Variants in KCNJ6 observed in about 807,000 individuals in gnomAD.
The protein encoded by KCNJ6 is G protein-activated inward rectifier potassium channel 2.
A neutral mutation model predicts 34.2 loss-of-function variants in KCNJ6; 9 were observed. The ratio of observed to expected loss-of-function variants is 0.26; its 90% CI spans 0.16 to 0.46. The LOEUF (loss-of-function observed/expected upper bound fraction) is 0.46, where lower values mean the gene tolerates loss of function less well. Among genes scored for constraint, KCNJ6 ranks in the 20% least tolerant of loss-of-function variants. The pLI is 1.00. For synonymous variants in KCNJ6, 196 were observed against 207.1 expected (o/e 0.95, Z 0.46); for missense variants, 236 against 531.3 (o/e 0.44, Z 5.46).
rs1267049362 is a variant in KCNJ6, at chr21:37,789,560, C to T, written c.25+51098G>A. On this transcript the variant is annotated intron_variant, in intron 2 of 3. Coordinates refer to ENST00000609713, the MANE Select transcript of KCNJ6 (RefSeq NM_002240.5). ...AATGACCCAGGCTATGGTATTTTGT[C>T]ATGGAAACCTGAGCAGACTAATACA... Among the ~76,000 whole-genome samples the T allele has an allele frequency of 2.0e-5, 3 of 152,150 alleles. No individual in the cohort carries two copies. In the East Asian group the frequency reaches 5.8e-4, roughly 29 times the overall value.
chr21:37,685,116 G>A (rs1206610668), intron 3 of KCNJ6, among the ~76,000 whole-genome samples: 2 of 152,054 alleles, frequency 1.3e-5, no homozygotes, highest in African/African-American at 4.8e-5. Flanking sequence ...TTAGGAAATG[G>A]GCAAAGAGAA....
chr21:37,715,078 T>C lies in KCNJ6; in HGVS notation c.79A>G (p.Ile27Val), dbSNP rs1255328783. 11 of 1,614,092 alleles carry C rather than the reference T, an allele frequency of 6.8e-6. No individual in the cohort carries two copies. The highest frequency in any genetic ancestry group is 8.5e-6 in the Non-Finnish European group (10 of 1,180,048). ...MDQDVESPVA[I>V]HQPKLPKQAR... is the part of the protein sequence containing the mutation. ...TGCTTAGGCAACTTTGGCTGGTGAA[T>C]GGCCACTGGGCTTTCGACGTCCTGA... Residue 27 changes from isoleucine (I) to valine (V), a missense_variant, in exon 3 of 4, where the codon ATT becomes GTT. This residue lies in a region of KCNJ6 where 64 missense variants were observed against 68.9 expected (regional missense o/e 0.93). Coordinates refer to ENST00000609713, the MANE Select transcript of KCNJ6 (RefSeq NM_002240.5).
At chr21:37,830,277 G>T (rs1056066917) in intron 2 of KCNJ6, among the ~76,000 whole-genome samples, 2 of 152,180 alleles carry the variant, frequency 1.3e-5, no homozygotes, top group Non-Finnish European at 2.9e-5. Context: ...GAAGGTGGGA[G>T]GCCGTAGCCT....
chr21:37,915,897 G>A lies in KCNJ6; in HGVS notation c.-41C>T, dbSNP rs2055891202. On this transcript the variant is annotated 5_prime_UTR_variant, in exon 1 of 4. Coordinates refer to ENST00000609713, the MANE Select transcript of KCNJ6 (RefSeq NM_002240.5). ...CGCACCGCTTACCTGGCTGCGGACG[G>A]GGTGGCTTCACTCAATCATGATCTC... The A allele has an allele frequency of 6.6e-6, 1 of 152,314 alleles. No homozygotes were observed. Among genetic ancestry groups the A allele is most frequent in the South Asian group, 2.1e-4 (1 of 4,834 alleles). The allele number at this position is 152,314 out of a possible 1,614,324, so 9.4% of individuals were successfully genotyped here.
chr21:37,873,211 C>T (rs725572), intron 1 of KCNJ6, among the ~76,000 whole-genome samples: 120,572 of 152,174 alleles, frequency 0.79, 48,395 homozygotes, highest in East Asian at 0.91. Flanking sequence ...GCATGCGCTG[C>T]AGTCGTTTCT....
chr21:37,727,955 G>T (rs751679703), intron 2 of KCNJ6, among the ~76,000 whole-genome samples: 5 of 152,298 alleles, frequency 3.3e-5, no homozygotes, highest in Non-Finnish European at 7.3e-5. Context: ...AAAGCCTTCT[G>T]CATCTTGACT....
chr21:37,873,413 A>T (rs967898179), intron 1 of KCNJ6, among the ~76,000 whole-genome samples: 3 of 152,176 alleles, frequency 2.0e-5, no homozygotes, highest in African/African-American at 7.2e-5. Flanking sequence ...CAAAGATCTC[A>T]TCACTGGTGG....
chr21:37,816,254 A>C (rs983546463), intron 2 of KCNJ6, among the ~76,000 whole-genome samples: 2 of 152,162 alleles, frequency 1.3e-5, no homozygotes, highest in Non-Finnish European at 2.9e-5. Flanking sequence ...AGCATAGGTA[A>C]GGGTTCTGTG....
At chr21:37,706,967 C>T (rs2054723092) in intron 3 of KCNJ6, among the ~76,000 whole-genome samples, 1 of 152,168 alleles carries the variant, frequency 6.6e-6, no homozygotes, top group South Asian at 2.1e-4. Flanking sequence ...CTCAGAAGAC[C>T]TGGGAGTAAT....
At chr21:37,761,177 G>A (rs573971714) in intron 2 of KCNJ6, among the ~76,000 whole-genome samples, 1 of 151,176 alleles carries the variant, frequency 6.6e-6, no homozygotes, top group East Asian at 1.9e-4. Flanking sequence ...TGTGTTGTGT[G>A]TGCATGTGTG....
At chr21:37,649,461 C>A (rs946081148) in intron 3 of KCNJ6, among the ~76,000 whole-genome samples, 3 of 152,022 alleles carry the variant, frequency 2.0e-5, no homozygotes, top group African/African-American at 7.2e-5. Context: ...TTTTTTAAGT[C>A]GAAAAAGCTC....
intron 1 of KCNJ6, among the ~76,000 whole-genome samples, chr21:37,890,539 T>C (rs1264050860): frequency 6.6e-6 from 1 of 152,204 alleles, no homozygotes; most frequent in Non-Finnish European, 1.5e-5. Context: ...CCTGTTGCCC[T>C]GGAAGACACT....
intron 3 of KCNJ6, among the ~76,000 whole-genome samples, chr21:37,677,041 C>A (rs547592924): frequency 2.0e-5 from 3 of 152,362 alleles, no homozygotes; most frequent in Non-Finnish European, 2.9e-5. Context: ...TGACGTTGCA[C>A]TCAGGAGTCT....
At position 37,872,684 on chromosome 21, in the gene KCNJ6, C is replaced by T. The variant is rs12626801; in HGVS notation, c.-27-31975G>A. On this transcript the variant is annotated intron_variant, in intron 1 of 3. Coordinates refer to ENST00000609713, the MANE Select transcript of KCNJ6 (RefSeq NM_002240.5). ...TTCTGTGAGTTTAGTTCATGTGAAT[C>T]TGCGCCTCCAAGATCAATACTCTCT... 7.0e-4 allele frequency among the ~76,000 whole-genome samples: 106 copies of T among 152,286 alleles called. 1 individual carries two copies. In the East Asian group the frequency reaches 0.018, roughly 25 times the overall value.
At chr21:37,747,206 C>G (rs1192271165) in intron 2 of KCNJ6, among the ~76,000 whole-genome samples, 1 of 152,130 alleles carries the variant, frequency 6.6e-6, no homozygotes, top group African/African-American at 2.4e-5. Context: ...CTGTTTTTTC[C>G]CACCCCAAAA....
intron 1 of KCNJ6, among the ~76,000 whole-genome samples, chr21:37,872,710 A>C (rs2055658532): frequency 1.3e-5 from 2 of 152,116 alleles, no homozygotes; most frequent in Admixed American, 6.5e-5. Flanking sequence ...AATACTCTCT[A>C]TAGGCCTGAT....
chr21:37,745,087 T>G (rs1601449855), intron 2 of KCNJ6, among the ~76,000 whole-genome samples: 1 of 58,240 alleles, frequency 1.7e-5, no homozygotes, highest in East Asian at 6.1e-4. Flanking sequence ...TTTTTTTTTT[T>G]TTTTTTTTTT....
At position 37,624,881 on chromosome 21, in the gene KCNJ6, C is replaced by T. The variant is rs1196617842; in HGVS notation, c.*278G>A. 2.1e-6 allele frequency: 1 copy of T among 467,894 alleles called. No individual in the cohort carries two copies. Among genetic ancestry groups the T allele is most frequent in the East Asian group, 3.8e-5 (1 of 26,084 alleles). 29.0% of individuals were successfully genotyped at this position (467,894 alleles called of 1,614,324 possible). A position where few individuals can be genotyped will look rare whatever the true frequency, so the allele number is the denominator to read the frequency against. On this transcript the variant is annotated 3_prime_UTR_variant, in exon 4 of 4. Coordinates refer to ENST00000609713, the MANE Select transcript of KCNJ6 (RefSeq NM_002240.5). ...ACATGCAGGTAAGTAACTGAAATCT[C>T]CAGGAGTTGGATGTGTAGTATTTTG...
At chr21:37,900,483 C>T (rs1268821252) in intron 1 of KCNJ6, among the ~76,000 whole-genome samples, 1 of 152,176 alleles carries the variant, frequency 6.6e-6, no homozygotes, top group African/African-American at 2.4e-5. Flanking sequence ...CCTTCTATTG[C>T]AGGAGACAGA....
Sources: allele counts gnomAD v4.1 joint callset (sites outside exome capture counted in the v4.1 genomes callset), GRCh38; gene constraint gnomAD v4.1.1; regional missense constraint gnomAD v4.1.1; transcripts MANE v1.5; gene names NCBI Gene and HGNC (gene_info 2026-07-23, HGNC 2026-07-21).